The following SNCAIP variants were observed in gnomAD, a reference collection of about 807,000 sequenced individuals.
The protein encoded by SNCAIP is synuclein alpha interacting protein.
Under a neutral mutation model 86.7 loss-of-function variants are expected in SNCAIP, and 43 were observed. The ratio of observed to expected loss-of-function variants is 0.50; its 90% confidence interval spans 0.39 to 0.64. The LOEUF (loss-of-function observed/expected upper bound fraction) is 0.64, where lower values mean the gene tolerates loss of function less well. Ranked by LOEUF, SNCAIP falls within the 30% of genes least tolerant of loss-of-function variation. The pLI is 0.00. For synonymous variants in SNCAIP, 417 were observed against 427.2 expected, an observed-to-expected ratio of 0.98 and a Z score of 0.29; for missense variants, 981 against 1,103.1, an observed-to-expected ratio of 0.89 and a Z score of 1.57.
chr5:122,320,605 T>C (rs1752717042), intron 1 of SNCAIP, among the ~76,000 whole-genome samples: 1 of 152,228 alleles, frequency 6.6e-6, no homozygotes, highest in African/African-American at 2.4e-5. Flanking sequence ...ATTGTATGTT[T>C]CTCCAGCCCT....
At chr5:122,386,817 C>T (rs1221329308) in intron 1 of SNCAIP, among the ~76,000 whole-genome samples, 1 of 141,828 alleles carries the variant, frequency 7.1e-6, no homozygotes, top group African/African-American at 2.9e-5. Context: ...TCTCTCCCCA[C>T]TTCAAAAAAA....
In SNCAIP at chr5:122,439,095, A is replaced by T. The variant is rs1034711396; in HGVS notation, c.1297-1534A>T. On this transcript the variant is annotated intron_variant, in intron 6 of 10. Transcript: ENST00000261368. ...AAAAGTAATCCAGTGTTTTTCCCCT[A>T]CCTAATTAGAAAAAAAACAAAGGAA... 2.6e-5 allele frequency among the ~76,000 whole-genome samples: 4 copies of T among 152,096 alleles called. No homozygotes were observed. The South Asian group carries it at 8.3e-4, about 31-fold the overall frequency.
At position 122,423,230 on chromosome 5, in the gene SNCAIP, C is replaced by T; in HGVS notation, c.493C>T (p.Leu165Phe). The T allele has an allele frequency of 5.0e-6, 8 of 1,614,172 alleles. No homozygotes were observed. The highest frequency in any genetic ancestry group is 6.8e-6 in the Non-Finnish European group (8 of 1,180,020). ...GCCTTATATTAAATCCAGTCAGCAG[C>T]TTGCCTCTTTTACCAAGGTGACTTC... ...DVPYIKSSQQ[L>F]ASFTKVTSEK... Residue 165 changes from leucine to phenylalanine, a missense_variant, in exon 4 of 11, where the codon CTT becomes TTT. Transcript: ENST00000261368.
intron 1 of SNCAIP, among the ~76,000 whole-genome samples, chr5:122,332,665 AG>A (rs1755621580): frequency 6.6e-6 from 1 of 152,208 alleles, no homozygotes; most frequent in African/African-American, 2.4e-5. Context: ...CACCACTGAA[AG>A]GCAGACAGTG....
chr5:122,443,518 T>C (rs898175904), intron 7 of SNCAIP: 2 of 441,576 alleles, frequency 4.5e-6, no homozygotes, highest in South Asian at 1.6e-5. Context: ...ACTCCAAGCC[T>C]CTTTAAAATC....
intron 10 of SNCAIP, chr5:122,451,802 A>G: frequency 1.8e-6 from 1 of 567,356 alleles, no homozygotes; most frequent in Admixed American, 3.2e-5. Flanking sequence ...CTTTTGGAAA[A>G]TACTCTAAGA....
At chr5:122,448,454 GC>G in intron 8 of SNCAIP, among the ~76,000 whole-genome samples, 1 of 151,166 alleles carries the variant, frequency 6.6e-6, no homozygotes, top group Admixed American at 6.6e-5. Context: ...GAGAAGCATA[GC>G]AAGACTCTGT....
intron 2 of SNCAIP, among the ~76,000 whole-genome samples, chr5:122,394,227 T>C (rs1770093355): frequency 6.6e-6 from 1 of 152,178 alleles, no homozygotes; most frequent in Non-Finnish European, 1.5e-5. Context: ...TTTCAAACTC[T>C]TCTCCTTACT....
In SNCAIP at chr5:122,418,731, G is replaced by C. The variant is rs755591599; in HGVS notation, c.131-4137G>C. ...ATAGCATTCTCACTCTGTAAATCAG[G>C]GGTATTTAGCATGGTTCCTGTGTGC... On this transcript the variant is annotated intron_variant, in intron 3 of 10. Transcript: ENST00000261368. 1.4e-3 allele frequency among the ~76,000 whole-genome samples: 214 copies of C among 152,272 alleles called. 1 individual carries two copies. The highest frequency in any genetic ancestry group is 2.8e-3 in the Non-Finnish European group (191 of 68,026).
intron 2 of SNCAIP, among the ~76,000 whole-genome samples, chr5:122,398,587 A>C (rs1401552290): frequency 6.6e-6 from 1 of 152,060 alleles, no homozygotes; most frequent in Non-Finnish European, 1.5e-5. Flanking sequence ...ATTTTGGAAA[A>C]CTGTGCGAGA....
chr5:122,374,607 A>C (rs1196849297), intron 1 of SNCAIP, among the ~76,000 whole-genome samples: 1 of 152,154 alleles, frequency 6.6e-6, no homozygotes. Context: ...CTCTTCAAAA[A>C]TAGACTTCAG....
rs891268596 is a variant in SNCAIP, at chr5:122,448,538, G to A, written c.1593-1307G>A. On this transcript the variant is annotated intron_variant, in intron 8 of 10. Transcript: ENST00000261368. ...GGAAAAGTAAATATAACATTTTGAA[G>A]TATATCCTTCCATATTTTTTATATA... Among the ~76,000 whole-genome samples, 4 of 143,598 alleles carry A rather than the reference G, an allele frequency of 2.8e-5. No individual in the cohort carries two copies. The Admixed American group carries it at 2.8e-4, about 10-fold the overall frequency. 94.2% of individuals were successfully genotyped at this position (143,598 alleles called of 152,430 possible).
chr5:122,447,235 G>A (rs762225051), intron 8 of SNCAIP, among the ~76,000 whole-genome samples: 1 of 152,294 alleles, frequency 6.6e-6, no homozygotes, highest in South Asian at 2.1e-4. Flanking sequence ...GAGGGAGCCA[G>A]CCTGGCCAGC....
chr5:122,429,921 T>A (rs1417771501), intron 5 of SNCAIP, among the ~76,000 whole-genome samples: 2 of 152,138 alleles, frequency 1.3e-5, no homozygotes, highest in Non-Finnish European at 2.9e-5. Flanking sequence ...AGATGGCCAA[T>A]GGCAACCCCA....
chr5:122,356,019 T>G (rs1760927822), intron 1 of SNCAIP, among the ~76,000 whole-genome samples: 1 of 151,998 alleles, frequency 6.6e-6, no homozygotes, highest in African/African-American at 2.4e-5. Flanking sequence ...TATGCATGTT[T>G]AAATATATGT....
intron 1 of SNCAIP, among the ~76,000 whole-genome samples, chr5:122,313,930 G>T (rs1490917352): frequency 6.6e-6 from 1 of 152,198 alleles, no homozygotes; most frequent in Admixed American, 6.5e-5. Flanking sequence ...ATGGGATTTT[G>T]AAAAGAAGGG....
chr5:122,410,311 G>C (rs1238851327), intron 3 of SNCAIP, among the ~76,000 whole-genome samples: 2 of 152,132 alleles, frequency 1.3e-5, no homozygotes, highest in Admixed American at 6.5e-5. Flanking sequence ...TGTTGCTCCA[G>C]AATGTGCATA....
In SNCAIP at chr5:122,423,116, G is replaced by A; in HGVS notation, c.379G>A (p.Gly127Ser). Residue 127 changes from glycine (G) to serine (S), a missense_variant, in exon 4 of 11, where the codon GGC becomes AGC. Physicochemically the swap from Gly to Ser is moderately conservative, Grantham distance 56. Coordinates refer to ENST00000261368, the MANE Select transcript of SNCAIP (RefSeq NM_005460.4). ...GGAGCTTGGCCCTGGAGATGGAGTGGGCGGCCCACCAGGTAAGAGCTCTGA... is the reference window on the plus strand; with the variant it reads ...GGAGCTTGGCCCTGGAGATGGAGTGAGCGGCCCACCAGGTAAGAGCTCTGA... Reference protein sequence around the residue: ...PQELGPGDGVGGPPGKSSEPS... With the variant: ...PQELGPGDGVSGPPGKSSEPS... The A allele has an allele frequency of 6.2e-7, 1 of 1,614,144 alleles. No individual in the cohort carries two copies. The highest frequency in any genetic ancestry group is 8.5e-7 in the Non-Finnish European group (1 of 1,180,030).
intron 5 of SNCAIP, among the ~76,000 whole-genome samples, chr5:122,427,871 G>A (rs1206032198): frequency 1.3e-5 from 2 of 152,122 alleles, no homozygotes; most frequent in Non-Finnish European, 2.9e-5. Flanking sequence ...GTCATATCAG[G>A]ACTTAAGAAC....
Sources: gnomAD v4.1 joint callset for allele counts (sites outside exome capture counted in the v4.1 genomes callset) on GRCh38, gnomAD v4.1.1 for gene constraint, MANE v1.5 for transcripts, NCBI Gene and HGNC (gene_info 2026-07-23, HGNC 2026-07-21) for gene names.